The following PIK3R5 variants were observed in gnomAD, a reference collection of about 807,000 sequenced individuals.
PIK3R5 encodes phosphoinositide-3-kinase regulatory subunit 5, also known as phosphoinositide 3-kinase regulatory subunit 5.
PIK3R5 carries 32 observed loss-of-function variants against 94.9 expected under a neutral mutation model. The observed-to-expected ratio is 0.34, with a 90% CI of 0.25 to 0.45. The LOEUF (loss-of-function observed/expected upper bound fraction) is 0.45. PIK3R5 is among the 20% of genes least tolerant of loss of function. The probability of loss-of-function intolerance (pLI) is 1.00; values close to 1 mark genes in which losing one functional copy is unlikely to be tolerated. For missense variants in PIK3R5, 853 were observed against 1,144.6 expected, an observed-to-expected ratio of 0.75 and a Z score of 3.68; for synonymous variants, 443 against 479.4, an observed-to-expected ratio of 0.92 and a Z score of 0.99.
chr17:8,924,003 A>C (rs1160248874), intron 1 of PIK3R5, among the ~76,000 whole-genome samples: 1 of 126,192 alleles, frequency 7.9e-6, no homozygotes, highest in African/African-American at 3.1e-5. Context: ...GGTGTGGAAA[A>C]AGATTGCAGT....
chr17:8,887,032 C>T, intron 12 of PIK3R5, 64 bp downstream of exon 12: 1 of 1,595,932 alleles, frequency 6.3e-7, no homozygotes, highest in Non-Finnish European at 8.6e-7. Context: ...AATCCAGGGC[C>T]TTCTAAGTGA....
chr17:8,903,170 AT>A, intron 5 of PIK3R5, among the ~76,000 whole-genome samples: 1 of 152,194 alleles, frequency 6.6e-6, no homozygotes, highest in African/African-American at 2.4e-5. Flanking sequence ...CTAACTCAAT[AT>A]TTTTTATGGT....
At chr17:8,949,747 T>A (rs1056289111) in intron 1 of PIK3R5, among the ~76,000 whole-genome samples, 8 of 152,038 alleles carry the variant, frequency 5.3e-5, no homozygotes, top group African/African-American at 1.9e-4. Flanking sequence ...ATACAATGGA[T>A]TTTGGGGACT....
chr17:8,962,552 T>G (rs545218466), intron 1 of PIK3R5, among the ~76,000 whole-genome samples: 1 of 152,226 alleles, frequency 6.6e-6, no homozygotes, highest in Non-Finnish European at 1.5e-5. Flanking sequence ...TGTGGACCTG[T>G]GTATCGCTAA....
rs200305226 is a variant in PIK3R5 at position 8,925,471 on chromosome 17, AGATAGATAGTAGATG to A, written c.-13-13979_-13-13965del. On this transcript the variant is annotated intron_variant, in intron 1 of 18. Transcript: ENST00000447110. This position sits in a 1 kb window ranked among gnomAD's most constrained non-coding sequence, Gnocchi z 5.1. ...GATGGATAGATAGTAGATGGATGAT[AGATAGATAGTAGATG>A]GATAGATAGTAGATGGATAGATAGT... is the stretch of plus-strand genomic sequence containing the variant. 0.03 allele frequency among the ~76,000 whole-genome samples: 4,492 copies of A among 149,320 alleles called. 239 individuals are homozygous for A. The highest frequency in any genetic ancestry group is 0.1 in the African/African-American group (4,095 of 40,660).
At chr17:8,963,153 C>T (rs1390721171) in intron 1 of PIK3R5, among the ~76,000 whole-genome samples, 1 of 152,140 alleles carries the variant, frequency 6.6e-6, no homozygotes, top group Non-Finnish European at 1.5e-5. Context: ...AGCTTTCTTT[C>T]TTAACACATT....
chr17:8,892,199 G>A lies in PIK3R5; in HGVS notation c.483-1287C>T, dbSNP rs1310515970. 6.6e-6 allele frequency among the ~76,000 whole-genome samples: 1 copy of A among 152,172 alleles called. No individual in the cohort carries two copies. Among genetic ancestry groups the A allele is most frequent in the Non-Finnish European group, 1.5e-5 (1 of 68,032 alleles). On this transcript the variant is annotated intron_variant, in intron 6 of 18. Coordinates refer to ENST00000447110, the MANE Select transcript of PIK3R5 (RefSeq NM_001142633.3). This position sits in a 1 kb window ranked among gnomAD's most constrained non-coding sequence, Gnocchi z 4.3. ...CCCTCCACACTCTGGGGACGTCGGT[G>A]CCCGGGGACAGGGCAGAGACAGGAC... is the stretch of plus-strand genomic sequence containing the variant.
rs189506627 is a variant in PIK3R5 at position 8,890,146 on chromosome 17, T to G, written c.658-20A>C. 6.2e-7 allele frequency: 1 copy of G among 1,612,592 alleles called. No homozygotes were observed. Among genetic ancestry groups the G allele is most frequent in the South Asian group, 1.1e-5 (1 of 91,082 alleles). Reference sequence around the variant, plus strand: ...CTTGGCCTGAAACCCCAGGAGGAGATGGGCTTTGCTCCTGGACCGTGAGCT... The same window carrying G: ...CTTGGCCTGAAACCCCAGGAGGAGAGGGGCTTTGCTCCTGGACCGTGAGCT... On this transcript the variant is annotated intron_variant, in intron 7 of 18. Transcript: ENST00000447110. This position sits in a 1 kb window ranked among gnomAD's most constrained non-coding sequence, Gnocchi z 6.1.
chr17:8,921,546 G>A (rs1457988677), intron 1 of PIK3R5, among the ~76,000 whole-genome samples: 2 of 152,148 alleles, frequency 1.3e-5, no homozygotes, highest in Non-Finnish European at 2.9e-5. Flanking sequence ...TAGGTAAAGT[G>A]GTTAGGCACA....
At chr17:8,942,963 T>TACACACACAC (rs112851950) in intron 1 of PIK3R5, among the ~76,000 whole-genome samples, 5,215 of 149,034 alleles carry the variant, frequency 0.035, 131 homozygotes, top group Middle Eastern at 0.069. Context: ...GATCACGTCA[T>TACACACACAC]ACACACACAC....
chr17:8,965,106 G>C (rs1417809812), intron 1 of PIK3R5, among the ~76,000 whole-genome samples: 1 of 152,196 alleles, frequency 6.6e-6, no homozygotes, highest in Non-Finnish European at 1.5e-5. Flanking sequence ...TAGGACAGCA[G>C]CCGCGTCTGG....
chr17:8,933,835 C>T (rs1210276484), intron 1 of PIK3R5, among the ~76,000 whole-genome samples: 1 of 152,042 alleles, frequency 6.6e-6, no homozygotes, highest in Non-Finnish European at 1.5e-5. Context: ...TAATTCACCA[C>T]ATTAATAAAG....
chr17:8,909,430 C>CA lies in PIK3R5; in HGVS notation c.104-257dup, dbSNP rs2090475789. Among the ~76,000 whole-genome samples the CA allele has an allele frequency of 2.0e-5, 3 of 152,134 alleles. No homozygotes were observed. The highest frequency in any genetic ancestry group is 7.2e-5 in the African/African-American group (3 of 41,424). ...TCAGCCTCCCAAGTAGCTGGGATTA[C>CA]AGGCACGTGCCACCGCACCCAGCTA... On this transcript the variant is annotated intron_variant, in intron 2 of 18. Coordinates refer to ENST00000447110, the MANE Select transcript of PIK3R5 (RefSeq NM_001142633.3). The surrounding 1 kb of genome is among the most constrained non-coding windows in gnomAD (Gnocchi z 4.3).
At position 8,904,969 on chromosome 17, in the gene PIK3R5, T is replaced by C; in HGVS notation, c.274-54A>G. On this transcript the variant is annotated intron_variant, in intron 4 of 18. Transcript: ENST00000447110. The surrounding 1 kb of genome is among the most constrained non-coding windows in gnomAD (Gnocchi z 5.1). ...AGATCTAGGTGAGAAAAGGCTCAGA[T>C]AGTCCCAGACAGCTTCTGCTCCCTT... 1.3e-6 allele frequency: 2 copies of C among 1,579,222 alleles called. No individual in the cohort carries two copies. Among genetic ancestry groups the C allele is most frequent in the Non-Finnish European group, 1.7e-6 (2 of 1,158,612 alleles).
intron 1 of PIK3R5, among the ~76,000 whole-genome samples, chr17:8,965,001 C>A (rs11652591): frequency 1.3e-4 from 19 of 150,800 alleles, no homozygotes; most frequent in African/African-American, 1.7e-4. Context: ...ATGCGCATGC[C>A]CACACACACA....
At chr17:8,924,728 C>T (rs914701737) in intron 1 of PIK3R5, among the ~76,000 whole-genome samples, 1 of 152,194 alleles carries the variant, frequency 6.6e-6, no homozygotes, top group African/African-American at 2.4e-5. Flanking sequence ...TTCTCCCCCT[C>T]CATCCCATTC....
At chr17:8,942,802 T>G (rs960459389) in intron 1 of PIK3R5, among the ~76,000 whole-genome samples, 7 of 151,828 alleles carry the variant, frequency 4.6e-5, no homozygotes, top group African/African-American at 1.7e-4. Context: ...GAGAAGGGGT[T>G]TCACCGTGTT....
At chr17:8,926,789 G>A (rs977441498) in intron 1 of PIK3R5, among the ~76,000 whole-genome samples, 4 of 152,072 alleles carry the variant, frequency 2.6e-5, no homozygotes, top group African/African-American at 4.8e-5. Flanking sequence ...ATGGTTACAC[G>A]TCCAAATGCT....
chr17:8,962,406 C>T (rs1040290660), intron 1 of PIK3R5, among the ~76,000 whole-genome samples: 2 of 152,188 alleles, frequency 1.3e-5, no homozygotes, highest in Non-Finnish European at 2.9e-5. Context: ...ATCCAACATG[C>T]TACATTTATA....
Sources: gnomAD v4.1 joint callset for allele counts (sites outside exome capture counted in the v4.1 genomes callset) on GRCh38, gnomAD v4.1.1 for gene constraint, Gnocchi (gnomAD v3.1) non-coding constraint, MANE v1.5 for transcripts, NCBI Gene and HGNC (gene_info 2026-07-23, HGNC 2026-07-21) for gene names.